ADGRA3: variants seen among roughly 807,000 people sequenced by gnomAD.
ADGRA3 encodes G-protein coupled receptor 125.
In ADGRA3, 56 loss-of-function variants were observed where a neutral mutation model predicts 119.8. The ratio of observed to expected loss-of-function variants is 0.47; its 90% CI spans 0.38 to 0.58. The LOEUF (loss-of-function observed/expected upper bound fraction) is 0.58. Among genes scored for constraint, ADGRA3 ranks in the 20% least tolerant of loss-of-function variants. The pLI is 0.00. For missense variants in ADGRA3, 1,516 were observed against 1,649.0 expected, an observed-to-expected ratio of 0.92 and a Z score of 1.40; for synonymous variants, 607 against 623.8, an observed-to-expected ratio of 0.97 and a Z score of 0.40.
At chr4:22,492,219 C>T (rs1339466038) in intron 1 of ADGRA3, among the ~76,000 whole-genome samples, 4 of 152,054 alleles carry the variant, frequency 2.6e-5, no homozygotes, top group East Asian at 3.9e-4. Context: ...ACCAGCGCTT[C>T]GTCTCCTCCT....
intron 10 of ADGRA3, among the ~76,000 whole-genome samples, chr4:22,431,373 G>A (rs537327067): frequency 1.3e-3 from 160 of 125,244 alleles, no homozygotes; most frequent in Non-Finnish European, 2.4e-3. Context: ...GCACCTGGGA[G>A]GGAGCTGTAC....
Position 22,388,247 on chromosome 4 carries a change from G to A in ADGRA3, c.3424C>T (p.Leu1142=). The A allele has an allele frequency of 3.1e-6, 5 of 1,614,038 alleles. No homozygotes were observed. Among genetic ancestry groups the A allele is most frequent in the Non-Finnish European group, 3.4e-6 (4 of 1,179,936 alleles). The change falls in exon 19 of 19, where the codon CTG becomes TTG. Residue 1142 remains leucine (L), a synonymous_variant. Coordinates refer to ENST00000334304, the MANE Select transcript of ADGRA3 (RefSeq NM_145290.4). ...LNSTPQLDNS[L]TEHSMDNDIK... ...TCATTGTCCATTGAATGTTCTGTCA[G>A]ACTATTATCAAGCTGAGGGGTGGAG...
intron 16 of ADGRA3, 48 bp from the exon 17 acceptor site, chr4:22,392,738 T>G (rs748763010): frequency 6.4e-7 from 1 of 1,552,856 alleles, no homozygotes. Context: ...ATGTTCCTAC[T>G]AAGGCTTACC....
chr4:22,451,645 A>T (rs1717046343), intron 4 of ADGRA3, among the ~76,000 whole-genome samples: 1 of 151,998 alleles, frequency 6.6e-6, no homozygotes, highest in Admixed American at 6.5e-5. Flanking sequence ...TTCCAAAGCC[A>T]AGACTTGATC....
chr4:22,490,587 T>C (rs1357378398), intron 1 of ADGRA3, among the ~76,000 whole-genome samples: 1 of 152,160 alleles, frequency 6.6e-6, no homozygotes, highest in Non-Finnish European at 1.5e-5. Context: ...CAAAGACTAA[T>C]ATTACACAAG....
chr4:22,470,722 T>C (rs1333603131), intron 2 of ADGRA3, among the ~76,000 whole-genome samples: 3 of 152,208 alleles, frequency 2.0e-5, no homozygotes, highest in Non-Finnish European at 4.4e-5. Context: ...TTAGGTGGAA[T>C]TCTCCCAGAC....
intron 17 of ADGRA3, 97 bp downstream of exon 17, chr4:22,392,448 T>C (rs1049758825): frequency 2.7e-6 from 4 of 1,457,798 alleles, no homozygotes; most frequent in Non-Finnish European, 3.8e-6. Context: ...GTCCGTTCTT[T>C]TACTTCCCAA....
At chr4:22,487,557 T>C (rs910197147) in intron 1 of ADGRA3, among the ~76,000 whole-genome samples, 2 of 151,834 alleles carry the variant, frequency 1.3e-5, no homozygotes, top group Non-Finnish European at 2.9e-5. Context: ...GGTCTGGGGG[T>C]TGGTGACCCT....
chr4:22,501,821 A>G (rs1222246379), intron 1 of ADGRA3, among the ~76,000 whole-genome samples: 1 of 151,976 alleles, frequency 6.6e-6, no homozygotes, highest in Non-Finnish European at 1.5e-5. Flanking sequence ...TAAAACTTTA[A>G]AAAAAAAGTA....
At chr4:22,434,387 G>T (rs1375621631) in intron 10 of ADGRA3, among the ~76,000 whole-genome samples, 1 of 151,966 alleles carries the variant, frequency 6.6e-6, no homozygotes, top group Non-Finnish European at 1.5e-5. Flanking sequence ...CCTCACAGTT[G>T]TGTACAGAGC....
At chr4:22,451,924 T>C (rs1044490297) in intron 4 of ADGRA3, among the ~76,000 whole-genome samples, 3 of 152,178 alleles carry the variant, frequency 2.0e-5, no homozygotes, top group African/African-American at 7.2e-5. Context: ...ACTGAGAAAA[T>C]GCTATTCTCC....
chr4:22,427,122 G>T (rs926060178), intron 10 of ADGRA3, among the ~76,000 whole-genome samples: 2 of 152,056 alleles, frequency 1.3e-5, no homozygotes, highest in Admixed American at 1.3e-4. Context: ...AAATAAAAGA[G>T]GTAAAAGAGA....
At chr4:22,494,206 G>GA (rs765015053) in intron 1 of ADGRA3, among the ~76,000 whole-genome samples, 15,999 of 131,914 alleles carry the variant, frequency 0.12, 901 homozygotes, top group Middle Eastern at 0.17. Context: ...CTCTGTCTCA[G>GA]AAAAAAAAAA....
intron 1 of ADGRA3, among the ~76,000 whole-genome samples, chr4:22,474,542 G>T (rs1717969389): frequency 6.6e-6 from 1 of 152,172 alleles, no homozygotes; most frequent in African/African-American, 2.4e-5. Flanking sequence ...TCTAGGCTTT[G>T]TAACTTTATG....
At chr4:22,484,306 A>T (rs1344305795) in intron 1 of ADGRA3, among the ~76,000 whole-genome samples, 1 of 152,128 alleles carries the variant, frequency 6.6e-6, no homozygotes, top group Non-Finnish European at 1.5e-5. Context: ...ATTATTTTCA[A>T]ATAAAAAGTG....
chr4:22,492,499 C>T (rs1383875298), intron 1 of ADGRA3, among the ~76,000 whole-genome samples: 3 of 151,986 alleles, frequency 2.0e-5, no homozygotes, highest in Non-Finnish European at 4.4e-5. Flanking sequence ...ATGGGGAAAA[C>T]AGAACAAAAT....
At chr4:22,485,674 T>C (rs1288444519) in intron 1 of ADGRA3, among the ~76,000 whole-genome samples, 2 of 152,144 alleles carry the variant, frequency 1.3e-5, no homozygotes, top group East Asian at 3.9e-4. Flanking sequence ...ATGAAAATAA[T>C]GGGTAATGAA....
In ADGRA3 at chr4:22,505,207, C is replaced by T. The variant is rs964083797; in HGVS notation, c.257+10321G>A. ...AGTCACTTAGCAAGTCTAAGACATT[C>T]TAGGTGGAAAAAAGGTTTTGTGCCC... On this transcript the variant is annotated intron_variant, in intron 1 of 18. Transcript: ENST00000334304. Among the ~76,000 whole-genome samples, 67 of 152,170 alleles carry T rather than the reference C, an allele frequency of 4.4e-4. 1 individual carries two copies. Among genetic ancestry groups the T allele is most frequent in the Non-Finnish European group, 2.9e-4 (20 of 68,010 alleles).
rs751577649 is a variant in ADGRA3, at chr4:22,421,119, A to G, written c.1606-30T>C. 5.1e-6 allele frequency: 8 copies of G among 1,573,780 alleles called. No individual in the cohort carries two copies. In the African/African-American group the frequency reaches 5.4e-5, roughly 11 times the overall value. On this transcript the variant is annotated intron_variant, in intron 11 of 18. Transcript: ENST00000334304. Reference sequence around the variant, plus strand: ...AAAAGTCAATCAAACAGGAGTTATGAACGATTTATAGCACAAAGGAAAAGC... The same window carrying G: ...AAAAGTCAATCAAACAGGAGTTATGGACGATTTATAGCACAAAGGAAAAGC...
Sources: allele counts gnomAD v4.1 joint callset (sites outside exome capture counted in the v4.1 genomes callset), GRCh38; gene constraint gnomAD v4.1.1; transcripts MANE v1.5; gene names NCBI Gene and HGNC (gene_info 2026-07-23, HGNC 2026-07-21).